Variants in MAP2 observed in about 807,000 individuals in gnomAD.
MAP2 encodes microtubule-associated protein 2.
In MAP2, 14 loss-of-function variants were observed where a neutral mutation model predicts 137.6. The observed-to-expected ratio is 0.10, with a 90% CI of 0.07 to 0.16. The LOEUF (loss-of-function observed/expected upper bound fraction) is 0.16, where lower values mean the gene tolerates loss of function less well. Ranked by LOEUF, MAP2 falls within the 10% of genes least tolerant of loss-of-function variation. The pLI, the probability that MAP2 is intolerant of heterozygous loss-of-function variation, is 1.00. For synonymous variants in MAP2, 786 were observed against 782.3 expected, an observed-to-expected ratio of 1.00 and a Z score of -0.08; for missense variants, 2,088 against 2,191.5, an observed-to-expected ratio of 0.95 and a Z score of 0.94.
chr2:209,694,651 G>A lies in MAP2; in HGVS notation c.2481G>A (p.Glu827=). The A allele has an allele frequency of 6.2e-7, 1 of 1,614,146 alleles. No individual in the cohort carries two copies. The highest frequency in any genetic ancestry group is 1.6e-4 in the Middle Eastern group (1 of 6,062). The stretch of plus-strand genomic sequence containing the variant: ...TGGCTTCTGTGAGTGCAGATGCTGA[G>A]GTTGCCAGGAGGAAATCAGTCCCAT... ...SRLASVSADA[E]VARRKSVPSE... is the part of the protein sequence containing the mutation. The change falls in exon 8 of 16, where the codon GAG becomes GAA. Residue 827 remains glutamate, a synonymous_variant. Transcript: ENST00000682079.
chr2:209,656,951 C>G (rs1265306552), intron 5 of MAP2, among the ~76,000 whole-genome samples: 1 of 152,038 alleles, frequency 6.6e-6, no homozygotes, highest in African/African-American at 2.4e-5. Context: ...TTTTGAGTCT[C>G]CAATGTCTAT....
At position 209,696,504 on chromosome 2, in the gene MAP2, C is replaced by CTGT. The variant is rs746830966; in HGVS notation, c.4181-25_4181-23dup. On this transcript the variant is annotated intron_variant, in intron 8 of 15. Coordinates refer to ENST00000682079, the MANE Select transcript of MAP2 (RefSeq NM_001375505.1). ...TGTACACTTGTTACTAATGTTTTCA[C>CTGT]TGTTGTTGTTGTTGTCATGATTTGC... The CTGT allele has an allele frequency of 2.4e-5, 37 of 1,536,576 alleles. No homozygotes were observed. In the East Asian group the frequency reaches 3.4e-4, roughly 14 times the overall value.
chr2:209,642,987 A>T (rs996893325), intron 4 of MAP2, among the ~76,000 whole-genome samples: 4 of 152,078 alleles, frequency 2.6e-5, no homozygotes, highest in African/African-American at 7.3e-5. Context: ...GAAAAGAGAA[A>T]CAATATTTAT....
At chr2:209,579,351 C>G (rs2075877356) in intron 2 of MAP2, 1 of 152,074 alleles carries the variant, frequency 6.6e-6, no homozygotes. Context: ...CTGATAGACT[C>G]GACTCCTGGG....
intron 5 of MAP2, among the ~76,000 whole-genome samples, chr2:209,674,718 C>T (rs181222882): frequency 6.6e-6 from 1 of 151,774 alleles, no homozygotes; most frequent in South Asian, 2.1e-4. Flanking sequence ...TAATCACACA[C>T]ATCATAATCA....
chr2:209,515,663 G>A (rs769623062), intron 2 of MAP2, among the ~76,000 whole-genome samples: 47 of 152,196 alleles, frequency 3.1e-4, no homozygotes, highest in South Asian at 8.3e-4. Context: ...AAAATTTGAG[G>A]TAAGATTTGG....
intron 13 of MAP2, among the ~76,000 whole-genome samples, chr2:209,718,622 T>A (rs537358701): frequency 1.1e-4 from 16 of 152,278 alleles, no homozygotes; most frequent in African/African-American, 3.4e-4. Context: ...CTTTTCAGTG[T>A]GGTTCTACTT....
At chr2:209,665,492 G>A (rs1273537370) in intron 5 of MAP2, among the ~76,000 whole-genome samples, 3 of 152,154 alleles carry the variant, frequency 2.0e-5, no homozygotes, top group African/African-American at 7.2e-5. Context: ...ACTGTTCTAG[G>A]TCAAGTAAAT....
At chr2:209,697,634 A>G (rs1349877855) in intron 10 of MAP2, among the ~76,000 whole-genome samples, 1 of 152,196 alleles carries the variant, frequency 6.6e-6, no homozygotes, top group Non-Finnish European at 1.5e-5. Context: ...ATTATATCAG[A>G]TTTTATTCCT....
At position 209,491,754 on chromosome 2, in the gene MAP2, G is replaced by A. The variant is rs183392031; in HGVS notation, c.-221-15838G>A. 6.1e-3 allele frequency among the ~76,000 whole-genome samples: 924 copies of A among 152,148 alleles called. 8 individuals carry two copies. Among genetic ancestry groups the A allele is most frequent in the African/African-American group, 0.021 (867 of 41,518 alleles). ...CCCAAGACTAAATCAGGAAGAAGTC[G>A]AATCCCTGAATAGATCAATAACAAG... On this transcript the variant is annotated intron_variant, in intron 1 of 15. Coordinates refer to ENST00000682079, the MANE Select transcript of MAP2 (RefSeq NM_001375505.1).
At chr2:209,564,574 A>C (rs912338918) in intron 2 of MAP2, among the ~76,000 whole-genome samples, 15 of 151,290 alleles carry the variant, frequency 9.9e-5, no homozygotes, top group Admixed American at 2.0e-4. Context: ...AAAAAAAAAA[A>C]AAAAAAAAAC....
intron 1 of MAP2, among the ~76,000 whole-genome samples, chr2:209,481,934 T>C (rs1575830929): frequency 6.6e-6 from 1 of 152,208 alleles, no homozygotes; most frequent in Admixed American, 6.5e-5. Flanking sequence ...CAGTTATTTG[T>C]GAGTTAAAAT....
At chr2:209,504,749 AT>A (rs34041601) in intron 1 of MAP2, among the ~76,000 whole-genome samples, 16 of 150,652 alleles carry the variant, frequency 1.1e-4, no homozygotes, top group East Asian at 3.9e-4. Flanking sequence ...GCAAGCTATC[AT>A]TTTTTTTTTC....
chr2:209,457,432 G>A (rs1559186000), intron 1 of MAP2, among the ~76,000 whole-genome samples: 1 of 152,118 alleles, frequency 6.6e-6, no homozygotes, highest in Non-Finnish European at 1.5e-5. Flanking sequence ...GCTCATTTTT[G>A]GAAGCAGGAA....
intron 14 of MAP2, among the ~76,000 whole-genome samples, chr2:209,727,022 G>A (rs989924086): frequency 1.3e-5 from 2 of 152,120 alleles, no homozygotes; most frequent in African/African-American, 4.8e-5. Flanking sequence ...TAAATTATTG[G>A]TTGAAAAACA....
intron 2 of MAP2, among the ~76,000 whole-genome samples, chr2:209,572,522 T>C (rs562426032): frequency 6.8e-4 from 104 of 152,220 alleles, no homozygotes; most frequent in African/African-American, 2.4e-3. Context: ...TTTCAAATTT[T>C]AAGTAAGTTA....
At chr2:209,728,079 A>G (rs750695858) in intron 14 of MAP2, among the ~76,000 whole-genome samples, 2 of 152,160 alleles carry the variant, frequency 1.3e-5, no homozygotes, top group African/African-American at 2.4e-5. Context: ...GGTTGCAGTG[A>G]GCTATGATCA....
chr2:209,674,775 G>C lies in MAP2; in HGVS notation c.263-3797G>C, dbSNP rs531938374. ...TCTGATTTTTTGACTGTCTTTCCTTGTCTTCTAAGTTTGTTTGGAACATTT... is the reference window on the plus strand; with the variant it reads ...TCTGATTTTTTGACTGTCTTTCCTTCTCTTCTAAGTTTGTTTGGAACATTT... On this transcript the variant is annotated intron_variant, in intron 5 of 15. Transcript: ENST00000682079. Among the ~76,000 whole-genome samples, 212 of 151,722 alleles carry C rather than the reference G, an allele frequency of 1.4e-3. 1 individual carries two copies. Among genetic ancestry groups the C allele is most frequent in the Middle Eastern group, 3.4e-3 (1 of 294 alleles).
At chr2:209,585,382 A>G (rs537591362) in intron 3 of MAP2, among the ~76,000 whole-genome samples, 2 of 152,270 alleles carry the variant, frequency 1.3e-5, no homozygotes, top group East Asian at 3.9e-4. Flanking sequence ...ATTTATTTCA[A>G]TAATTATTTT....
Sources: allele counts gnomAD v4.1 joint callset (sites outside exome capture counted in the v4.1 genomes callset), GRCh38; gene constraint gnomAD v4.1.1; transcripts MANE v1.5; gene names NCBI Gene and HGNC (gene_info 2026-07-23, HGNC 2026-07-21).